Variants in TRAP1 observed in about 807,000 individuals in gnomAD.
TRAP1 encodes the protein TNF receptor associated protein 1.
A neutral mutation model predicts 89.1 loss-of-function variants in TRAP1; 102 were observed. The ratio of observed to expected loss-of-function variants is 1.15; its 90% confidence interval spans 0.98 to 1.35. TRAP1 has a LOEUF of 1.35. Among genes scored for constraint, TRAP1 ranks in the 40% most tolerant of loss-of-function variants. The pLI is 0.00. For synonymous variants in TRAP1, 508 were observed against 388.0 expected, an observed-to-expected ratio of 1.31 and a Z score of -3.64; for missense variants, 1,256 against 945.3, an observed-to-expected ratio of 1.33 and a Z score of -4.31.
rs1457050842 is a variant in TRAP1 at position 3,662,124 on chromosome 16, G to C, written c.1803C>G (p.Leu601=). The change falls in exon 16 of 18, where the codon CTC becomes CTG. Residue 601 remains leucine, a synonymous_variant. Transcript: ENST00000246957. ...CCATGGCAGGGTGGGTGTCCAGTCG[G>C]AGGGTCACCTGTGAGCAAAGCCCGG... ...GSRVTNVKVT[L]RLDTHPAMVT... 1 of 1,612,156 alleles carries C rather than the reference G, an allele frequency of 6.2e-7. No individual in the cohort carries two copies. The highest frequency in any genetic ancestry group is 1.7e-5 in the Admixed American group (1 of 59,886).
At chr16:3,690,688 A>C in intron 2 of TRAP1, 139 bp downstream of exon 2, 1 of 908,322 alleles carries the variant, frequency 1.1e-6, no homozygotes, top group South Asian at 4.2e-5. Context: ...AGGGCGCAGC[A>C]CTCCCTACAG....
intron 1 of TRAP1, among the ~76,000 whole-genome samples, chr16:3,715,355 C>A (rs996230604): frequency 6.6e-6 from 1 of 151,902 alleles, no homozygotes; most frequent in Non-Finnish European, 1.5e-5. Flanking sequence ...GGAGAATGGC[C>A]TGAACCCGGG....
chr16:3,662,298 G>A (rs1567220599), intron 15 of TRAP1, 166 bp from the exon 16 acceptor site: 2 of 816,590 alleles, frequency 2.4e-6, no homozygotes, highest in Non-Finnish European at 3.7e-6. Flanking sequence ...TAACTTGTGG[G>A]CCCTGAGCTG....
rs769608649 is a variant in TRAP1, at chr16:3,658,106, C to T, written c.*23G>A. The T allele has an allele frequency of 1.4e-5, 22 of 1,612,602 alleles. No homozygotes were observed. Among genetic ancestry groups the T allele is most frequent in the East Asian group, 2.2e-5 (1 of 44,882 alleles). ...GAGGTGGGGCTGTCATCTGTGGTGT[C>T]AGTCCTTCTGGCCCCCTGGCTGTCA... On this transcript the variant is annotated 3_prime_UTR_variant, in exon 18 of 18. Transcript: ENST00000246957.
In TRAP1 at chr16:3,708,960, C is replaced by T. The variant is rs139042784; in HGVS notation, c.88+8461G>A. 7.5e-3 allele frequency among the ~76,000 whole-genome samples: 1,137 copies of T among 151,606 alleles called. 13 individuals are homozygous for T. The highest frequency in any genetic ancestry group is 0.025 in the African/African-American group (1,050 of 41,436). On this transcript the variant is annotated intron_variant, in intron 1 of 17. Transcript: ENST00000246957. ...CTTCCCAAGTAGCTGGGACTACAGG[C>T]GCCCGCCACCATGCCCAGATAATTT...
chr16:3,705,717 G>T (rs141561898), intron 1 of TRAP1, among the ~76,000 whole-genome samples: 1 of 151,928 alleles, frequency 6.6e-6, no homozygotes, highest in Admixed American at 6.6e-5. Context: ...TTTCACTCTC[G>T]TTGCCAGGCT....
At chr16:3,662,839 G>T in intron 15 of TRAP1, 43 bp downstream of exon 15, 4 of 1,596,300 alleles carry the variant, frequency 2.5e-6, no homozygotes, top group Non-Finnish European at 3.4e-6. Flanking sequence ...GCCTGTTAGG[G>T]ACACTGCGGC....
intron 9 of TRAP1, 36 bp downstream of exon 9, chr16:3,674,303 C>G (rs746647282): frequency 6.2e-7 from 1 of 1,609,280 alleles, no homozygotes; most frequent in Admixed American, 1.7e-5. Flanking sequence ...ACAACAGAGT[C>G]ACCCTGAGGG....
intron 11 of TRAP1, among the ~76,000 whole-genome samples, chr16:3,668,983 C>T (rs1257773974): frequency 1.3e-5 from 2 of 152,214 alleles, no homozygotes; most frequent in Non-Finnish European, 2.9e-5. Context: ...CCACTTCATC[C>T]GTGAGCTTCC....
At chr16:3,697,446 C>G (rs188885698) in intron 1 of TRAP1, among the ~76,000 whole-genome samples, 3 of 151,914 alleles carry the variant, frequency 2.0e-5, no homozygotes, top group Non-Finnish European at 2.9e-5. Context: ...GGGAGGATCA[C>G]GAGGTCAGGA....
chr16:3,707,179 G>A (rs1023119873), intron 1 of TRAP1, among the ~76,000 whole-genome samples: 6 of 150,900 alleles, frequency 4.0e-5, no homozygotes, highest in African/African-American at 1.5e-4. Flanking sequence ...GATTTAAGAG[G>A]AAATCTTTTT....
rs906352891 is a variant in TRAP1, at chr16:3,677,412, T to C, written c.704+86A>G. The C allele has an allele frequency of 1.2e-5, 19 of 1,562,034 alleles. No individual in the cohort carries two copies. The African/African-American group carries it at 1.9e-4, about 16-fold the overall frequency. On this transcript the variant is annotated intron_variant, in intron 6 of 17. Coordinates refer to ENST00000246957, the MANE Select transcript of TRAP1 (RefSeq NM_016292.3). ...AAAGCCCAGAAAATGCCTGTGTACG[T>C]TTTCTGAGTCCATCCCTTTCCAAAC...
chr16:3,690,967 G>A lies in TRAP1; in HGVS notation c.107C>T (p.Pro36Leu), dbSNP rs755746414. 6.5e-7 allele frequency: 1 copy of A among 1,533,882 alleles called. No homozygotes were observed. The highest frequency in any genetic ancestry group is 8.7e-7 in the Non-Finnish European group (1 of 1,143,814). The change falls in exon 2 of 18, where the codon CCT becomes CTT. Residue 36 changes from proline to leucine, a missense_variant. Transcript: ENST00000246957. ...GCCCAACTGGGCTGTGGTCCTCCGAGGACACAGAATTGGTTTTCCTGAAAA... is the reference window on the plus strand; with the variant it reads ...GCCCAACTGGGCTGTGGTCCTCCGAAGACACAGAATTGGTTTTCCTGAAAA... ...AVPGGKPILC[P>L]RRTTAQLGPR...
Position 3,662,134 on chromosome 16 carries a change from T to C in TRAP1, c.1795-2A>G. The C allele has an allele frequency of 6.2e-7, 1 of 1,610,800 alleles. No homozygotes were observed. The highest frequency in any genetic ancestry group is 8.5e-7 in the Non-Finnish European group (1 of 1,178,466). On this transcript the variant is annotated splice_acceptor_variant, in intron 15 of 17. Transcript: ENST00000246957. LOFTEE classifies it high-confidence loss of function. ...GTGGGTGTCCAGTCGGAGGGTCACC[T>C]GTGAGCAAAGCCCGGGGTTGAGGGT...
intron 1 of TRAP1, among the ~76,000 whole-genome samples, chr16:3,700,503 G>C (rs1242603862): frequency 2.6e-5 from 4 of 152,004 alleles, no homozygotes; most frequent in African/African-American, 9.7e-5. Flanking sequence ...GTCTCACTCT[G>C]TTGCCCAGGC....
At position 3,690,781 on chromosome 16, in the gene TRAP1, A is replaced by C. The variant is rs921932974; in HGVS notation, c.247+46T>G. 6.7e-6 allele frequency: 9 copies of C among 1,347,754 alleles called. No individual in the cohort carries two copies. In the Admixed American group the frequency reaches 1.8e-4, roughly 27 times the overall value. The allele number at this position is 1,347,754 out of a possible 1,614,324, so 83.5% of individuals were successfully genotyped here. ...CTGAAAATGCCCCTTTACGCACAGC[A>C]GTGAACCAAAAAGCCCTCCCAGACC... is the stretch of plus-strand genomic sequence containing the variant. On this transcript the variant is annotated intron_variant, in intron 2 of 17. Transcript: ENST00000246957.
intron 1 of TRAP1, among the ~76,000 whole-genome samples, chr16:3,717,142 C>A (rs1030095291): frequency 2.0e-5 from 3 of 152,236 alleles, no homozygotes; most frequent in Non-Finnish European, 1.5e-5. Flanking sequence ...GAGGGACGAC[C>A]CCGCAGCCGC....
rs1031690293 is a variant in TRAP1 at position 3,663,557 on chromosome 16, G to C, written c.1575C>G (p.Leu525=). ...EAMKKKDTEV[L]FCFEQFDELT... is the part of the protein sequence containing the mutation. ...GCTCATCAAACTGCTCAAAGCAGAA[G>C]AGAACCTGCAGGTGGCCAAGAGCAG... Residue 525 remains leucine (L), a synonymous_variant, in exon 14 of 18, where the codon CTC becomes CTG. Coordinates refer to ENST00000246957, the MANE Select transcript of TRAP1 (RefSeq NM_016292.3). The C allele has an allele frequency of 1.2e-6, 2 of 1,613,854 alleles. No individual in the cohort carries two copies. Among genetic ancestry groups the C allele is most frequent in the South Asian group, 1.1e-5 (1 of 91,076 alleles).
At chr16:3,672,976 C>A (rs550630855) in intron 9 of TRAP1, among the ~76,000 whole-genome samples, 156 bp from the exon 10 acceptor site, 1 of 152,144 alleles carries the variant, frequency 6.6e-6, no homozygotes, top group Non-Finnish European at 1.5e-5. Flanking sequence ...AGGGGCCCCA[C>A]GATGCCCCAC....
Sources: allele counts gnomAD v4.1 joint callset (sites outside exome capture counted in the v4.1 genomes callset), GRCh38; gene constraint gnomAD v4.1.1; transcripts MANE v1.5; gene names NCBI Gene and HGNC (gene_info 2026-07-23, HGNC 2026-07-21).